SYNE1: variants seen among roughly 807,000 people sequenced by gnomAD.
SYNE1 encodes spectrin repeat containing nuclear envelope protein 1.
SYNE1 carries 616 observed loss-of-function variants against 1,111.0 expected under a neutral mutation model. That is an observed-to-expected ratio of 0.55 (90% CI 0.52 to 0.59). The LOEUF (loss-of-function observed/expected upper bound fraction) is 0.59, where lower values mean the gene tolerates loss of function less well. SYNE1 is among the 20% of genes least tolerant of loss of function. The pLI is 0.00. For synonymous variants in SYNE1, 3,855 were observed against 3,825.8 expected, an observed-to-expected ratio of 1.01 and a Z score of -0.28; for missense variants, 10,006 against 10,417.0, an observed-to-expected ratio of 0.96 and a Z score of 1.72.
intron 87 of SYNE1, among the ~76,000 whole-genome samples, chr6:152,314,308 G>T (rs755589224): frequency 2.0e-5 from 3 of 152,030 alleles, no homozygotes; most frequent in Non-Finnish European, 2.9e-5. Context: ...CTTATCCCTT[G>T]TACCAGCACC....
At position 152,470,341 on chromosome 6, in the gene SYNE1, A is replaced by G. The variant is rs2098798730; in HGVS notation, c.1632+1256T>C. ...AAGACTGTGTCTGGTATAAATAACT[A>G]CTGGGCTGAGAGGGTATCATTTGGC... On this transcript the variant is annotated intron_variant, in intron 16 of 145. Coordinates refer to ENST00000367255, the MANE Select transcript of SYNE1 (RefSeq NM_182961.4). Among the ~76,000 whole-genome samples, 3 of 152,304 alleles carry G rather than the reference A, an allele frequency of 2.0e-5. No homozygotes were observed. The South Asian group carries it at 6.2e-4, about 32-fold the overall frequency.
At chr6:152,208,804 T>A (rs772325049) in intron 124 of SYNE1, among the ~76,000 whole-genome samples, 1 of 152,244 alleles carries the variant, frequency 6.6e-6, no homozygotes, top group African/African-American at 2.4e-5. Context: ...CTCTTCTACA[T>A]TGTAGGCTGA....
chr6:152,514,933 T>A (rs1594431218), intron 6 of SYNE1, among the ~76,000 whole-genome samples: 1 of 152,204 alleles, frequency 6.6e-6, no homozygotes, highest in African/African-American at 2.4e-5. Flanking sequence ...TTTAAAAAAA[T>A]ATTTGAGACC....
intron 3 of SYNE1, among the ~76,000 whole-genome samples, chr6:152,615,365 C>T (rs1356683799): frequency 1.3e-5 from 2 of 151,784 alleles, no homozygotes; most frequent in Non-Finnish European, 2.9e-5. Context: ...TTTTGTACAA[C>T]TATTGTTATC....
At chr6:152,497,369 A>G (rs2099005290) in intron 11 of SYNE1, among the ~76,000 whole-genome samples, 2 of 152,228 alleles carry the variant, frequency 1.3e-5, no homozygotes, top group Admixed American at 1.3e-4. Flanking sequence ...TAATTAAGGT[A>G]CATGTTTTAT....
In SYNE1 at chr6:152,144,233, C is replaced by T. The variant is rs949154455; in HGVS notation, c.24977-468G>A. On this transcript the variant is annotated intron_variant, in intron 137 of 145. Coordinates refer to ENST00000367255, the MANE Select transcript of SYNE1 (RefSeq NM_182961.4). ...TGCACCTCAGGGGAAGATAGTGTCACGGAAGGCTCAGGTTGCTGCATCATT... is the reference window on the plus strand; with the variant it reads ...TGCACCTCAGGGGAAGATAGTGTCATGGAAGGCTCAGGTTGCTGCATCATT... The T allele has an allele frequency of 1.8e-4, 44 of 241,698 alleles. 1 individual carries two copies. The East Asian group carries it at 3.0e-3, about 16-fold the overall frequency. The allele number at this position is 241,698 out of a possible 1,614,324, so 15.0% of individuals were successfully genotyped here.
chr6:152,425,147 C>T (rs1350691700), intron 39 of SYNE1, among the ~76,000 whole-genome samples: 1 of 152,170 alleles, frequency 6.6e-6, no homozygotes, highest in African/African-American at 2.4e-5. Context: ...TAATCTATTT[C>T]AACTGGTTTA....
At position 152,430,094 on chromosome 6, in the gene SYNE1, G is replaced by T. The variant is rs751413616; in HGVS notation, c.4788+18C>A. On this transcript the variant is annotated intron_variant, in intron 36 of 145. Transcript: ENST00000367255. ...TTTTAAGTTGGTAAATAGTAGAAATGTTGAAGCATACTCTTACCATATGTT... is the reference window on the plus strand; with the variant it reads ...TTTTAAGTTGGTAAATAGTAGAAATTTTGAAGCATACTCTTACCATATGTT... The T allele has an allele frequency of 2.0e-6, 3 of 1,510,354 alleles. No homozygotes were observed. Among genetic ancestry groups the T allele is most frequent in the Non-Finnish European group, 1.8e-6 (2 of 1,094,044 alleles). The allele number at this position is 1,510,354 out of a possible 1,614,324, so 93.6% of individuals were successfully genotyped here.
rs2057183110 is a variant in SYNE1, at chr6:152,136,786, G to C, written c.25491C>G (p.Ala8497=). ...TGCAGAGATTGATGGAGAGGATGAT[G>C]GCTTTGCGGTGGTCCACAGCTTTCT... ...ELQKAVDHRK[A]IILSINLCSP... Residue 8497 remains alanine, a synonymous_variant, in exon 141 of 146, where the codon GCC becomes GCG. Coordinates refer to ENST00000367255, the MANE Select transcript of SYNE1 (RefSeq NM_182961.4). 1 of 1,614,098 alleles carries C rather than the reference G, an allele frequency of 6.2e-7. No individual in the cohort carries two copies. Among genetic ancestry groups the C allele is most frequent in the South Asian group, 1.1e-5 (1 of 91,084 alleles).
rs1235777020 is a variant in SYNE1 at position 152,482,458 on chromosome 6, C to A, written c.1350+627G>T. Among the ~76,000 whole-genome samples, 5 of 152,212 alleles carry A rather than the reference C, an allele frequency of 3.3e-5. No individual in the cohort carries two copies. In the South Asian group the frequency reaches 8.3e-4, roughly 25 times the overall value. On this transcript the variant is annotated intron_variant, in intron 14 of 145. Transcript: ENST00000367255. Reference sequence around the variant, plus strand: ...ACCACATTACAGCAAATGAAGTATACAAATTCAATTGCATAAAATGCAAGA... The same window carrying A: ...ACCACATTACAGCAAATGAAGTATAAAAATTCAATTGCATAAAATGCAAGA...
chr6:152,524,889 C>G (rs567826017), intron 5 of SYNE1, among the ~76,000 whole-genome samples: 1 of 152,292 alleles, frequency 6.6e-6, no homozygotes, highest in Admixed American at 6.5e-5. Context: ...AGCATTTATT[C>G]ATAGACTCCC....
intron 55 of SYNE1, among the ~76,000 whole-genome samples, chr6:152,382,783 C>T (rs1450113453): frequency 6.6e-6 from 1 of 152,140 alleles, no homozygotes; most frequent in Non-Finnish European, 1.5e-5. Flanking sequence ...TATGCTTTAT[C>T]CCAATTTTCC....
chr6:152,376,605 T>C, intron 57 of SYNE1, 47 bp from the exon 58 acceptor site: 1 of 1,605,900 alleles, frequency 6.2e-7, no homozygotes, highest in South Asian at 1.1e-5. Flanking sequence ...AGCGATAAAG[T>C]TGATGAAAAT....
chr6:152,484,851 T>C lies in SYNE1; in HGVS notation c.1169A>G (p.Asp390Gly), dbSNP rs752494294. The change falls in exon 13 of 146, where the codon GAT (aspartate) becomes GGT (glycine). Residue 390 changes from aspartate (D) to glycine (G), a missense_variant. Physicochemically the swap from Asp to Gly is moderately conservative, Grantham distance 94. Around this residue, in one of 7 missense-constraint regions of SYNE1, gnomAD observed 1,971 missense variants for 2,084.1 expected, o/e 0.95. Transcript: ENST00000367255. ...AGAACTTACCCTGGAGGTCACTCTA[T>C]CCCAAGATTGTTTTACCAATGCTTG... ...LDQALVKQSW[D>G]RVTSRLFDWH... 1 of 1,614,024 alleles carries C rather than the reference T, an allele frequency of 6.2e-7. No individual in the cohort carries two copies. Among genetic ancestry groups the C allele is most frequent in the African/African-American group, 1.3e-5 (1 of 75,072 alleles).
At chr6:152,128,483 T>G (rs550027084) in intron 145 of SYNE1, 6 of 152,326 alleles carry the variant, frequency 3.9e-5, no homozygotes, top group African/African-American at 1.4e-4. Context: ...AGGTTTAAAA[T>G]ACTGTATGAA....
intron 137 of SYNE1, chr6:152,145,557 T>G (rs2059330245): frequency 6.2e-7 from 1 of 1,613,766 alleles, no homozygotes; most frequent in African/African-American, 1.3e-5. Flanking sequence ...TCATTACATC[T>G]GCAAAAAAAG....
chr6:152,376,118 C>A (rs1045186748), intron 58 of SYNE1: 28 of 419,808 alleles, frequency 6.7e-5, no homozygotes, highest in Middle Eastern at 1.4e-3. Flanking sequence ...AGAAGGAGCA[C>A]ACAGCCTAGT....
chr6:152,290,234 T>A (rs1270983673), intron 95 of SYNE1, among the ~76,000 whole-genome samples: 1 of 152,136 alleles, frequency 6.6e-6, no homozygotes, highest in Non-Finnish European at 1.5e-5. Context: ...ACAAGTCAGC[T>A]CATGAACTGC....
chr6:152,143,833 G>A, intron 137 of SYNE1, 68 bp from the exon 138 acceptor site: 2 of 1,608,702 alleles, frequency 1.2e-6, no homozygotes, highest in Non-Finnish European at 1.7e-6. Context: ...TGATATTCAA[G>A]GAGAAGTTTC....
Sources: gnomAD v4.1 joint callset for allele counts (sites outside exome capture counted in the v4.1 genomes callset) on GRCh38, gnomAD v4.1.1 for gene constraint, gnomAD v4.1.1 regional missense constraint, MANE v1.5 for transcripts, NCBI Gene and HGNC (gene_info 2026-07-23, HGNC 2026-07-21) for gene names.